Variants in PI4KA observed in about 807,000 individuals in gnomAD.
The protein encoded by PI4KA is phosphatidylinositol 4-kinase alpha.
A neutral mutation model predicts 271.4 loss-of-function variants in PI4KA; 122 were observed. The ratio of observed to expected loss-of-function variants is 0.45; its 90% CI spans 0.39 to 0.52. The LOEUF (loss-of-function observed/expected upper bound fraction) is 0.52. Ranked by LOEUF, PI4KA falls within the 20% of genes least tolerant of loss-of-function variation. PI4KA has a pLI of 0.00. For synonymous variants in PI4KA, 1,041 were observed against 1,078.8 expected (o/e 0.96, Z 0.69); for missense variants, 1,969 against 2,769.1 (o/e 0.71, Z 6.48).
chr22:20,847,495 C>A (rs942637041), intron 1 of PI4KA, among the ~76,000 whole-genome samples: 2 of 151,854 alleles, frequency 1.3e-5, no homozygotes, highest in Non-Finnish European at 2.9e-5. Context: ...GAGGCTGAGG[C>A]GGGTGGATCT....
intron 19 of PI4KA, among the ~76,000 whole-genome samples, chr22:20,770,543 G>A (rs1932823784): frequency 1.5e-5 from 2 of 132,936 alleles, no homozygotes; most frequent in Admixed American, 7.9e-5. Context: ...GAGAGAGAGA[G>A]AGATCGGTTT....
intron 42 of PI4KA, chr22:20,726,259 C>A: frequency 2.4e-6 from 1 of 423,586 alleles, no homozygotes; most frequent in Non-Finnish European, 4.2e-6. Context: ...AGCCCCAGAA[C>A]CGGCTCGCTC....
At chr22:20,802,719 G>C (rs1935400154) in intron 13 of PI4KA, among the ~76,000 whole-genome samples, 1 of 152,122 alleles carries the variant, frequency 6.6e-6, no homozygotes, top group African/African-American at 2.4e-5. Context: ...AAACTGCTCT[G>C]ACTTTAAGTC....
chr22:20,831,756 T>G (rs1008038301), intron 3 of PI4KA, among the ~76,000 whole-genome samples: 3 of 152,198 alleles, frequency 2.0e-5, no homozygotes, highest in African/African-American at 7.2e-5. Flanking sequence ...AACATTTTTT[T>G]TCTTTCATTT....
chr22:20,786,804 G>A, intron 19 of PI4KA: 1 of 1,420,312 alleles, frequency 7.0e-7, no homozygotes, highest in Non-Finnish European at 1.0e-6. Flanking sequence ...TGAATGATAT[G>A]AGATTGTGCT....
intron 29 of PI4KA, among the ~76,000 whole-genome samples, chr22:20,746,061 ATTTTT>A (rs58307079): frequency 1.4e-5 from 1 of 71,582 alleles, no homozygotes; most frequent in Non-Finnish European, 2.6e-5. Flanking sequence ...AAAAAAAAGA[ATTTTT>A]TTTTTTTTTT....
chr22:20,840,285 G>A (rs1026931506), intron 1 of PI4KA, among the ~76,000 whole-genome samples: 2 of 152,220 alleles, frequency 1.3e-5, no homozygotes, highest in Admixed American at 6.5e-5. Flanking sequence ...AGGAAGCCAG[G>A]ACAAATCAGG....
In PI4KA at chr22:20,764,845, G is replaced by A. The variant is rs1932362757; in HGVS notation, c.2680C>T (p.Leu894Phe). Residue 894 changes from leucine to phenylalanine, a missense_variant, in exon 22 of 55, where the codon CTC (leucine) becomes TTC (phenylalanine). Coordinates refer to ENST00000255882, the MANE Select transcript of PI4KA (RefSeq NM_058004.4). ...KLDFAMSTYL[L>F]SVYRLEYMRV... ...ATGTACTCCAGCCGGTACACAGAGA[G>A]GAGGTAGGTGGACATGGCGAAGTCC... 1.2e-6 allele frequency: 2 copies of A among 1,613,532 alleles called. No homozygotes were observed. The highest frequency in any genetic ancestry group is 2.2e-5 in the East Asian group (1 of 44,884).
At chr22:20,758,459 C>CTTTT (rs35401829) in intron 23 of PI4KA, among the ~76,000 whole-genome samples, 5 of 85,030 alleles carry the variant, frequency 5.9e-5, no homozygotes, top group Admixed American at 1.6e-4. Context: ...TCTTTCTTTT[C>CTTTT]TTTTTTTTTT....
Position 20,858,653 on chromosome 22 carries a change from T to G in PI4KA, c.73A>C (p.Ser25Arg), listed in dbSNP as rs2147850665. ...GGGGCSGSGS[S>R]ASRGFYFNTV... ...TTGAAATAGAAGCCCCGCGAGGCGC[T>G]GGAGCCGGAGCCGGAGCAGCCGCCG... The change falls in exon 1 of 55, where the codon AGC becomes CGC. Residue 25 changes from serine to arginine, a missense_variant. Ser to Arg is a moderately radical substitution (Grantham distance 110). Transcript: ENST00000255882. The G allele has an allele frequency of 6.7e-7, 1 of 1,483,450 alleles. No homozygotes were observed. Among genetic ancestry groups the G allele is most frequent in the Non-Finnish European group, 8.9e-7 (1 of 1,123,324 alleles). 91.9% of individuals were successfully genotyped at this position (1,483,450 alleles called of 1,614,324 possible).
Position 20,774,903 on chromosome 22 carries a change from G to A in PI4KA, c.2329-9210C>T, listed in dbSNP as rs572083670. On this transcript the variant is annotated intron_variant, in intron 19 of 54. Coordinates refer to ENST00000255882, the MANE Select transcript of PI4KA (RefSeq NM_058004.4). ...GTACGTACACACACACACAGATAAT[G>A]ACAGGGCAAAGGTTCCAAAATTTTA... 3.3e-5 allele frequency among the ~76,000 whole-genome samples: 5 copies of A among 152,226 alleles called. No individual in the cohort carries two copies. In the South Asian group the frequency reaches 8.3e-4, roughly 25 times the overall value.
chr22:20,781,807 C>G (rs915571360), intron 19 of PI4KA, among the ~76,000 whole-genome samples: 3 of 152,220 alleles, frequency 2.0e-5, no homozygotes, highest in Non-Finnish European at 4.4e-5. Flanking sequence ...AGTCTAAGCG[C>G]TGGTTTCACC....
intron 19 of PI4KA, among the ~76,000 whole-genome samples, chr22:20,780,815 C>T (rs187449370): frequency 1.7e-4 from 23 of 135,784 alleles, no homozygotes; most frequent in Admixed American, 1.6e-3. Flanking sequence ...GCTCCAAGGG[C>T]ACCCAGTTAT....
At chr22:20,852,335 A>C (rs1927082197) in intron 1 of PI4KA, among the ~76,000 whole-genome samples, 1 of 152,132 alleles carries the variant, frequency 6.6e-6, no homozygotes, top group Non-Finnish European at 1.5e-5. Flanking sequence ...TGGGGAGACA[A>C]ACAGCTGGTG....
rs114309321 is a variant in PI4KA at position 20,797,706 on chromosome 22, C to G, written c.2108+878G>C. Among the ~76,000 whole-genome samples, 994 of 152,282 alleles carry G rather than the reference C, an allele frequency of 6.5e-3. 14 individuals carry two copies. The highest frequency in any genetic ancestry group is 0.023 in the African/African-American group (946 of 41,552). On this transcript the variant is annotated intron_variant, in intron 17 of 54. Transcript: ENST00000255882. ...TTTGGCAGATGAGGAAACTGAGGCA[C>G]AGAGGTTCAGCATTTTCTGAGGTCA...
intron 26 of PI4KA, 104 bp from the exon 27 acceptor site, chr22:20,751,480 C>T (rs1393891838): frequency 2.8e-6 from 3 of 1,089,194 alleles, no homozygotes; most frequent in African/African-American, 1.6e-5. Flanking sequence ...TGTGACAGGC[C>T]TCCATACTTG....
At chr22:20,800,598 C>G (rs961343441) in intron 14 of PI4KA, among the ~76,000 whole-genome samples, 1 of 151,508 alleles carries the variant, frequency 6.6e-6, no homozygotes, top group Non-Finnish European at 1.5e-5. Context: ...CACGGTGGCT[C>G]ACACCTGTAA....
At chr22:20,824,547 A>G (rs1923131446) in intron 3 of PI4KA, 133 bp from the exon 4 acceptor site, 1 of 616,652 alleles carries the variant, frequency 1.6e-6, no homozygotes, top group East Asian at 2.8e-5. Context: ...GCCCTCCTTG[A>G]GACGAGTCTC....
At chr22:20,743,796 T>G (rs570377701) in intron 30 of PI4KA, among the ~76,000 whole-genome samples, 1 of 152,082 alleles carries the variant, frequency 6.6e-6, no homozygotes, top group African/African-American at 2.4e-5. Context: ...GGCTCACGCC[T>G]GTAATCCCAG....
Sources: gnomAD v4.1 joint callset for allele counts (sites outside exome capture counted in the v4.1 genomes callset) on GRCh38, gnomAD v4.1.1 for gene constraint, MANE v1.5 for transcripts, NCBI Gene and HGNC (gene_info 2026-07-23, HGNC 2026-07-21) for gene names.